The following ANKS1B variants were observed in gnomAD, a reference collection of about 807,000 sequenced individuals.
ANKS1B encodes ankyrin repeat and sterile alpha motif domain containing 1B.
Under a neutral mutation model 148.3 loss-of-function variants are expected in ANKS1B, and 36 were observed. The observed-to-expected ratio is 0.24, with a 90% confidence interval of 0.19 to 0.32. The LOEUF is 0.32. ANKS1B is among the 10% of genes least tolerant of loss of function. The pLI is 1.00. For synonymous variants in ANKS1B, 542 were observed against 560.8 expected, an observed-to-expected ratio of 0.97 and a Z score of 0.47; for missense variants, 1,157 against 1,542.6, an observed-to-expected ratio of 0.75 and a Z score of 4.19.
At chr12:99,058,719 C>CTTTTTTTTTTT (rs869064302) in intron 16 of ANKS1B, among the ~76,000 whole-genome samples, 1 of 80,668 alleles carries the variant, frequency 1.2e-5, no homozygotes. Context: ...TCTATCTATC[C>CTTTTTTTTTTT]TTTTTTTTTT....
chr12:99,768,758 G>A (rs1267361905), intron 8 of ANKS1B, among the ~76,000 whole-genome samples: 5 of 150,868 alleles, frequency 3.3e-5, no homozygotes, highest in African/African-American at 4.9e-5. Context: ...CCCCGGAGGC[G>A]GAGGTTGCAG....
rs74926478 is a variant in ANKS1B, at chr12:99,406,326, T to A, written c.1576-6515A>T. On this transcript the variant is annotated intron_variant, in intron 11 of 26. Transcript: ENST00000683438. ...ATAAATTGAAATTATATCAAGTATC[T>A]TCTTTATCCACTATAAAATAAAACT... Among the ~76,000 whole-genome samples, 568 of 146,114 alleles carry A rather than the reference T, an allele frequency of 3.9e-3. 35 individuals are homozygous for A. In the East Asian group the frequency reaches 0.087, roughly 22 times the overall value.
At position 99,806,258 on chromosome 12, in the gene ANKS1B, G is replaced by A. The variant is rs888855471; in HGVS notation, c.669+146C>T. ...AGCTCTTCATATTTCCCAAAAGTAG[G>A]TGGCATAGTACCTTGAACTCAGTAG... On this transcript the variant is annotated intron_variant, in intron 4 of 26. Coordinates refer to ENST00000683438, the MANE Select transcript of ANKS1B (RefSeq NM_001352186.2). 2.2e-5 allele frequency: 20 copies of A among 909,342 alleles called. No homozygotes were observed. In the Admixed American group the frequency reaches 5.5e-4, roughly 25 times the overall value. 56.3% of individuals were successfully genotyped at this position (909,342 alleles called of 1,614,324 possible).
intron 11 of ANKS1B, among the ~76,000 whole-genome samples, chr12:99,421,205 C>T (rs2095069966): frequency 6.6e-6 from 1 of 152,112 alleles, no homozygotes; most frequent in East Asian, 1.9e-4. Context: ...TGAGTTAAAT[C>T]ATAAGGCAGC....
intron 8 of ANKS1B, among the ~76,000 whole-genome samples, chr12:99,695,688 A>T (rs537360019): frequency 3.3e-5 from 5 of 152,178 alleles, no homozygotes; most frequent in Admixed American, 3.3e-4. Flanking sequence ...ATGAGAATAC[A>T]CGGACACAGG....
At chr12:98,990,933 T>C (rs1427170026) in intron 17 of ANKS1B, among the ~76,000 whole-genome samples, 1 of 152,194 alleles carries the variant, frequency 6.6e-6, no homozygotes, top group Admixed American at 6.5e-5. Context: ...CTTGTCCTAG[T>C]GGCAGCAGGT....
chr12:99,739,998 A>G (rs1035593769), intron 8 of ANKS1B, among the ~76,000 whole-genome samples: 3 of 152,178 alleles, frequency 2.0e-5, no homozygotes, highest in Non-Finnish European at 4.4e-5. Flanking sequence ...ATCCACTAAG[A>G]ACATTACCTG....
At chr12:99,512,639 A>C (rs545376995) in intron 9 of ANKS1B, among the ~76,000 whole-genome samples, 1 of 152,242 alleles carries the variant, frequency 6.6e-6, no homozygotes, top group East Asian at 1.9e-4. Flanking sequence ...TAGCAAAGAC[A>C]TGGGGTCAAC....
intron 11 of ANKS1B, among the ~76,000 whole-genome samples, chr12:99,411,893 G>C (rs796951286): frequency 6.6e-6 from 1 of 152,006 alleles, no homozygotes; most frequent in South Asian, 2.1e-4. Flanking sequence ...ACAGTTCATT[G>C]TCCTAAAGAA....
At chr12:98,937,320 G>A (rs1420738864) in intron 17 of ANKS1B, among the ~76,000 whole-genome samples, 1 of 151,808 alleles carries the variant, frequency 6.6e-6, no homozygotes, top group Non-Finnish European at 1.5e-5. Flanking sequence ...TTAATTAATA[G>A]GGGTAGGTGA....
At chr12:99,406,263 T>C (rs1402877076) in intron 11 of ANKS1B, among the ~76,000 whole-genome samples, 2 of 145,828 alleles carry the variant, frequency 1.4e-5, no homozygotes, top group Admixed American at 1.4e-4. Flanking sequence ...GATAGACCAT[T>C]TGTTAGGTCA....
chr12:99,900,505 C>CAAAAAAA (rs71303560), intron 1 of ANKS1B, among the ~76,000 whole-genome samples: 5 of 70,722 alleles, frequency 7.1e-5, no homozygotes, highest in Non-Finnish European at 9.5e-5. Flanking sequence ...GACTCCATCT[C>CAAAAAAA]AAAAAAAAAA....
At chr12:98,769,463 G>A (rs959113217) in intron 25 of ANKS1B, among the ~76,000 whole-genome samples, 1 of 152,116 alleles carries the variant, frequency 6.6e-6, no homozygotes, top group Non-Finnish European at 1.5e-5. Context: ...GTCCTTTGGA[G>A]CTGGTATGAG....
intron 8 of ANKS1B, among the ~76,000 whole-genome samples, chr12:99,709,636 G>A (rs1409968828): frequency 6.6e-6 from 1 of 152,040 alleles, no homozygotes; most frequent in Non-Finnish European, 1.5e-5. Flanking sequence ...CCATAATGGG[G>A]TTTTAGCATG....
chr12:98,975,302 C>G (rs2099892681), intron 17 of ANKS1B, among the ~76,000 whole-genome samples: 1 of 146,486 alleles, frequency 6.8e-6, no homozygotes, highest in East Asian at 2.0e-4. Context: ...ACCTCCCTCC[C>G]TCCTTCCTTC....
At chr12:99,944,248 C>T (rs1247625826) in intron 1 of ANKS1B, among the ~76,000 whole-genome samples, 7 of 152,148 alleles carry the variant, frequency 4.6e-5, no homozygotes, top group Admixed American at 4.6e-4. Context: ...GGGCCTAGGC[C>T]CAGCGAATAT....
At chr12:99,315,519 T>C (rs2083912709) in intron 12 of ANKS1B, among the ~76,000 whole-genome samples, 1 of 152,070 alleles carries the variant, frequency 6.6e-6, no homozygotes, top group Non-Finnish European at 1.5e-5. Flanking sequence ...TGAGATACCA[T>C]CTCACACCAA....
chr12:99,972,275 G>A (rs117542705), intron 1 of ANKS1B, among the ~76,000 whole-genome samples: 1 of 152,312 alleles, frequency 6.6e-6, no homozygotes, highest in East Asian at 1.9e-4. Context: ...TAAACTTAGT[G>A]AGGAAAGCAT....
chr12:98,834,491 A>G lies in ANKS1B; in HGVS notation c.2779-2355T>C, dbSNP rs569630344. Among the ~76,000 whole-genome samples the G allele has an allele frequency of 5.3e-4, 81 of 152,336 alleles. 3 individuals are homozygous for G. In the South Asian group the frequency reaches 0.015, roughly 29 times the overall value. The stretch of plus-strand genomic sequence containing the variant: ...AAATCCCTTAATTTTGTTATAGCTA[A>G]TAGTTCAAAGCCCTTTAATCTAGGA... On this transcript the variant is annotated intron_variant, in intron 17 of 26. Transcript: ENST00000683438.
Sources: gnomAD v4.1 joint callset for allele counts (sites outside exome capture counted in the v4.1 genomes callset) on GRCh38, gnomAD v4.1.1 for gene constraint, MANE v1.5 for transcripts, NCBI Gene and HGNC (gene_info 2026-07-23, HGNC 2026-07-21) for gene names.